The following PPIL2 variants were observed in gnomAD, a reference collection of about 807,000 sequenced individuals.
PPIL2 encodes the protein peptidylprolyl isomerase like 2.
In PPIL2, 50 loss-of-function variants were observed where a neutral mutation model predicts 75.2. The observed-to-expected ratio is 0.66, with a 90% CI of 0.53 to 0.84. The LOEUF (loss-of-function observed/expected upper bound fraction) is 0.84. PPIL2 is among the 40% of genes least tolerant of loss of function. The pLI is 0.00. For missense variants in PPIL2, 590 were observed against 685.0 expected (o/e 0.86, Z 1.55); for synonymous variants, 245 against 258.8 (o/e 0.95, Z 0.51).
intron 15 of PPIL2, among the ~76,000 whole-genome samples, chr22:21,692,339 A>G (rs1338775369): frequency 6.6e-6 from 1 of 151,516 alleles, no homozygotes; most frequent in Non-Finnish European, 1.5e-5. Context: ...TATTTTTAGT[A>G]GAGATGGGGT....
At chr22:21,683,111 C>G in intron 8 of PPIL2, 71 bp from the exon 9 acceptor site, 1 of 1,334,790 alleles carries the variant, frequency 7.5e-7, no homozygotes, top group Non-Finnish European at 1.1e-6. Context: ...GCTGGCCGTC[C>G]TTTGCTGCAT....
Position 21,694,836 on chromosome 22 carries a change from A to G in PPIL2, c.1332+19A>G, listed in dbSNP as rs1424117456. ...TGCCCAGGTGAGGGGGCACGATGCC[A>G]CCACCTAGGAGGGTCTGGGCTAGTG... On this transcript the variant is annotated intron_variant, in intron 18 of 19. Coordinates refer to ENST00000398831, the MANE Select transcript of PPIL2 (RefSeq NM_014337.4). 2 of 1,591,532 alleles carry G rather than the reference A, an allele frequency of 1.3e-6. No homozygotes were observed. The highest frequency in any genetic ancestry group is 1.7e-5 in the Admixed American group (1 of 58,700).
At position 21,694,939 on chromosome 22, in the gene PPIL2, T is replaced by C. The variant is rs1318027425; in HGVS notation, c.1335T>C (p.Ile445=). ...VDPYEEADAQ[I]AQERKTQLKV... ...GCCAGCGCCCTGTTGTGCCACAGAT[T>C]GCGCAGGAGCGGAAGACACAGCTCA... The change falls in exon 19 of 20, where the codon ATT becomes ATC. Residue 445 remains isoleucine, a splice_region_variant and synonymous_variant. Transcript: ENST00000398831. 1.9e-6 allele frequency: 3 copies of C among 1,613,090 alleles called. No homozygotes were observed. The highest frequency in any genetic ancestry group is 1.7e-5 in the Admixed American group (1 of 59,834).
intron 4 of PPIL2, among the ~76,000 whole-genome samples, chr22:21,671,526 T>C (rs1351801890): frequency 1.3e-5 from 2 of 152,166 alleles, no homozygotes. Flanking sequence ...AGAGCTTTTT[T>C]CCCCGTGTGA....
rs1350067108 is a variant in PPIL2 at position 21,694,659 on chromosome 22, C to T, written c.1263C>T (p.Arg421=). 6.2e-7 allele frequency: 1 copy of T among 1,614,116 alleles called. No homozygotes were observed. The highest frequency in any genetic ancestry group is 8.5e-7 in the Non-Finnish European group (1 of 1,180,028). ...TGGAGAGTGACCCCAAAACTGACCG[C>T]CCTAAGGTCTGTGCCCAGGGAGGTG... ...ENVESDPKTD[R]PKEEIRIDAT... is the part of the protein sequence containing the mutation. Residue 421 remains arginine, a synonymous_variant, in exon 17 of 20, where the codon CGC becomes CGT. Coordinates refer to ENST00000398831, the MANE Select transcript of PPIL2 (RefSeq NM_014337.4).
In PPIL2 at chr22:21,672,380, A is replaced by ATAC; in HGVS notation, c.242_243insTAC (p.Glu81delinsAspThr). The ATAC allele has an allele frequency of 6.2e-7, 1 of 1,607,238 alleles. No homozygotes were observed. The highest frequency in any genetic ancestry group is 8.5e-7 in the Non-Finnish European group (1 of 1,173,794). On this transcript the variant is annotated protein_altering_variant and splice_region_variant, in exon 5 of 20. Coordinates refer to ENST00000398831, the MANE Select transcript of PPIL2 (RefSeq NM_014337.4). ...TACGGGACCAACCCCAGCAATGGAG[A>ATAC]GGTAGGTGGCTGTGCAGGAGTTTCA...
chr22:21,666,785 G>A (rs1317508295), intron 1 of PPIL2, among the ~76,000 whole-genome samples: 1 of 152,144 alleles, frequency 6.6e-6, no homozygotes, highest in Non-Finnish European at 1.5e-5. Context: ...CTCCAGCCTG[G>A]GCGACAGAGC....
chr22:21,684,672 A>G (rs1164283843), intron 9 of PPIL2, 81 bp from the exon 10 acceptor site: 2 of 1,543,766 alleles, frequency 1.3e-6, no homozygotes, highest in African/African-American at 1.4e-5. Flanking sequence ...GCCCTGGGCT[A>G]TTCTAGATCT....
rs554760940 is a variant in PPIL2 at position 21,690,716 on chromosome 22, C to T, written c.1139+1867C>T. On this transcript the variant is annotated intron_variant, in intron 15 of 19. Transcript: ENST00000398831. Reference sequence around the variant, plus strand: ...AATCCATGTGTGTTTCTGATAGCCACGTCTGTCATTTTGAGGGTGCATGTT... The same window carrying T: ...AATCCATGTGTGTTTCTGATAGCCATGTCTGTCATTTTGAGGGTGCATGTT... Among the ~76,000 whole-genome samples the T allele has an allele frequency of 2.6e-5, 4 of 152,294 alleles. No homozygotes were observed. In the South Asian group the frequency reaches 8.3e-4, roughly 32 times the overall value.
chr22:21,687,189 G>T (rs569857385), intron 12 of PPIL2, among the ~76,000 whole-genome samples, 191 bp downstream of exon 12: 1 of 152,292 alleles, frequency 6.6e-6, no homozygotes, highest in East Asian at 1.9e-4. Context: ...CCTGCGCACA[G>T]GTGCCAGTGT....
chr22:21,695,211 C>CGAGGGACTGCCTCT, intron 19 of PPIL2, 141 bp downstream of exon 19: 1 of 1,363,424 alleles, frequency 7.3e-7, no homozygotes, highest in Non-Finnish European at 9.7e-7. Flanking sequence ...CCTCTGCAGC[C>CGAGGGACTGCCTCT]GAGGGACTGC....
rs1254949614 is a variant in PPIL2, at chr22:21,686,916, G to T, written c.815G>T (p.Arg272Leu). 6.2e-7 allele frequency: 1 copy of T among 1,614,044 alleles called. No homozygotes were observed. The highest frequency in any genetic ancestry group is 8.5e-7 in the Non-Finnish European group (1 of 1,180,004). The change falls in exon 12 of 20, where the codon CGC becomes CTC. Residue 272 changes from arginine to leucine, a missense_variant. Coordinates refer to ENST00000398831, the MANE Select transcript of PPIL2 (RefSeq NM_014337.4). Reference protein sequence around the residue: ...EAAAIDEDVLRYQFVKKKGYV... With the variant: ...EAAAIDEDVLLYQFVKKKGYV... ...GCTGCCATCGACGAGGATGTGCTGC[G>T]CTACCAGTTTGTGAAGAAGAAGGGC... is the stretch of plus-strand genomic sequence containing the variant.
chr22:21,692,925 CAA>C (rs113931448), intron 15 of PPIL2, among the ~76,000 whole-genome samples: 20 of 103,692 alleles, frequency 1.9e-4, no homozygotes, highest in African/African-American at 1.4e-4. Context: ...GATTCCATCT[CAA>C]AAAAAAAAAA....
Position 21,697,266 on chromosome 22 carries a change from T to G in PPIL2, c.*1776T>G, listed in dbSNP as rs1601615706. 1 of 433,080 alleles carries G rather than the reference T, an allele frequency of 2.3e-6. No homozygotes were observed. The highest frequency in any genetic ancestry group is 4.2e-6 in the Non-Finnish European group (1 of 236,792). The allele number at this position is 433,080 out of a possible 1,614,324, so 26.8% of individuals were successfully genotyped here. A position where few individuals can be genotyped will look rare whatever the true frequency, so the allele number is the denominator to read the frequency against. On this transcript the variant is annotated 3_prime_UTR_variant, in exon 20 of 20. Transcript: ENST00000398831. Reference sequence around the variant, plus strand: ...CCAGCGTCCAGGGTACAGGTGCGGGTGGTGGGGATGAAGGCCTGACCAGGG... The same window carrying G: ...CCAGCGTCCAGGGTACAGGTGCGGGGGGTGGGGATGAAGGCCTGACCAGGG...
downstream of PPIL2, chr22:21,698,525 A>G (rs1045681): frequency 0.33 from 50,725 of 152,290 alleles, 8,738 homozygotes; most frequent in Non-Finnish European, 0.38. Flanking sequence ...GGACGGCACG[A>G]ACCTCCAACT....
intron 10 of PPIL2, 112 bp from the exon 11 acceptor site, chr22:21,686,371 G>A (rs1211433547): frequency 5.8e-6 from 6 of 1,029,568 alleles, no homozygotes; most frequent in Admixed American, 1.9e-5. Flanking sequence ...GAGGCACCAA[G>A]CAGGGCCTGG....
intron 1 of PPIL2, among the ~76,000 whole-genome samples, chr22:21,668,598 C>T (rs1057358197): frequency 6.7e-6 from 1 of 149,066 alleles, no homozygotes; most frequent in Admixed American, 6.8e-5. Flanking sequence ...AACTGCACTC[C>T]AGCCTGGGCA....
intron 16 of PPIL2, among the ~76,000 whole-genome samples, chr22:21,694,255 CAG>C (rs1219428132): frequency 6.6e-6 from 1 of 152,188 alleles, no homozygotes; most frequent in Non-Finnish European, 1.5e-5. Context: ...CAGCACGAAA[CAG>C]GGTGGACGCA....
intron 9 of PPIL2, among the ~76,000 whole-genome samples, chr22:21,683,541 T>G (rs2067219825): frequency 6.6e-6 from 1 of 152,258 alleles, no homozygotes; most frequent in African/African-American, 2.4e-5. Flanking sequence ...GGGGTCCTCC[T>G]GTTTCCCTGG....
Sources: allele counts gnomAD v4.1 joint callset (sites outside exome capture counted in the v4.1 genomes callset), GRCh38; gene constraint gnomAD v4.1.1; transcripts MANE v1.5; gene names NCBI Gene and HGNC (gene_info 2026-07-23, HGNC 2026-07-21).